NEB: variants seen among roughly 807,000 people sequenced by gnomAD.
NEB encodes the protein nebulin.
A neutral mutation model predicts 952.2 loss-of-function variants in NEB; 512 were observed. The ratio of observed to expected loss-of-function variants is 0.54; its 90% CI spans 0.50 to 0.58. The LOEUF (loss-of-function observed/expected upper bound fraction) is 0.58, where lower values mean the gene tolerates loss of function less well. NEB is among the 20% of genes least tolerant of loss of function. The pLI is 0.00. For synonymous variants in NEB, 2,900 were observed against 3,149.8 expected (o/e 0.92, Z 2.66); for missense variants, 8,428 against 9,231.1 (o/e 0.91, Z 3.56).
chr2:151,516,871 C>A (rs142767014), intron 156 of NEB, among the ~76,000 whole-genome samples: 2 of 152,158 alleles, frequency 1.3e-5, no homozygotes, highest in Non-Finnish European at 2.9e-5. Context: ...GAAAATTACC[C>A]AGGTAGATGA....
rs1559204521 is a variant in NEB at position 151,496,906 on chromosome 2, C to T, written c.24393+35G>A. Reference sequence around the variant, plus strand: ...TAAATCATGAAATAGTTTTTAAAATCAGTAAGTAGTTTTTTTCTTTTCTTG... The same window carrying T: ...TAAATCATGAAATAGTTTTTAAAATTAGTAAGTAGTTTTTTTCTTTTCTTG... On this transcript the variant is annotated intron_variant, in intron 172 of 181. Transcript: ENST00000397345. 2.7e-6 allele frequency: 4 copies of T among 1,502,432 alleles called. No homozygotes were observed. The South Asian group carries it at 4.9e-5, about 18-fold the overall frequency. The allele number at this position is 1,502,432 out of a possible 1,614,324, so 93.1% of individuals were successfully genotyped here.
At chr2:151,497,978 C>G in intron 170 of NEB, 1 of 1,435,248 alleles carries the variant, frequency 7.0e-7, no homozygotes, top group Non-Finnish European at 9.1e-7. Context: ...TACGGTGCCT[C>G]CTAAACAATC....
chr2:151,502,908 C>A (rs2065835277), intron 166 of NEB, 23 bp from the exon 167 acceptor site: 5 of 1,420,708 alleles, frequency 3.5e-6, no homozygotes, highest in South Asian at 1.2e-5. Context: ...AGAAAGTACC[C>A]AGAGGACATT....
chr2:151,516,525 T>C lies in NEB; in HGVS notation c.22839A>G (p.Lys7613=), dbSNP rs2153354986. ...TTGGTGTTTCAAAGTCCAGCATGGG[T>C]TTTCCTCGTTCCTTTTCATACTTTT... is the stretch of plus-strand genomic sequence containing the variant. ...YKEKYEKERG[K]PMLDFETPTY... Residue 7613 remains lysine (K), a synonymous_variant, in exon 157 of 182, where the codon AAA becomes AAG. Coordinates refer to ENST00000397345, the MANE Select transcript of NEB (RefSeq NM_001164508.2). 1 of 1,613,134 alleles carries C rather than the reference T, an allele frequency of 6.2e-7. No individual in the cohort carries two copies.
In NEB at chr2:151,485,827, A is replaced by G; in HGVS notation, c.25511T>C (p.Met8504Thr). The G allele has an allele frequency of 3.1e-6, 5 of 1,614,102 alleles. No individual in the cohort carries two copies. The highest frequency in any genetic ancestry group is 4.2e-6 in the Non-Finnish European group (5 of 1,179,956). Reference sequence around the variant, plus strand: ...GCCAGTCCTCTGCACAGTGCCATACATCCAGCCTTCATCAATTGCTTGAAC... The same window carrying G: ...GCCAGTCCTCTGCACAGTGCCATACGTCCAGCCTTCATCAATTGCTTGAAC... ...INVQAIDEGW[M>T]YGTVQRTGRT... Residue 8504 changes from methionine (M) to threonine (T), a missense_variant, in exon 182 of 182, where the codon ATG (methionine) becomes ACG (threonine). Around this residue, in one of 11 missense-constraint regions of NEB, gnomAD observed 3,374 missense variants for 3,651.5 expected, o/e 0.92. Transcript: ENST00000397345.
intron 16 of NEB, 22 bp downstream of exon 16, chr2:151,697,126 A>G (rs2099602502): frequency 6.4e-7 from 1 of 1,562,056 alleles, no homozygotes; most frequent in Admixed American, 1.7e-5. Context: ...AGTCACATTC[A>G]AAGTTCAGAC....
At chr2:151,516,698 A>T in intron 156 of NEB, 135 bp from the exon 157 acceptor site, 1 of 674,368 alleles carries the variant, frequency 1.5e-6, no homozygotes, top group Non-Finnish European at 2.6e-6. Context: ...GTTTCCTGTT[A>T]TGTTTCAGAT....
intron 3 of NEB, among the ~76,000 whole-genome samples, chr2:151,732,842 T>C (rs2099812192): frequency 6.6e-6 from 1 of 152,158 alleles, no homozygotes; most frequent in Admixed American, 6.6e-5. Context: ...AAGAAAGCAG[T>C]TTTAGAAGAC....
chr2:151,539,672 C>A (rs1444991030), intron 138 of NEB, among the ~76,000 whole-genome samples: 1 of 152,184 alleles, frequency 6.6e-6, no homozygotes, highest in Non-Finnish European at 1.5e-5. Context: ...GGATTCACTA[C>A]TTCACATCTT....
chr2:151,538,191 T>C lies in NEB; in HGVS notation c.20946A>G (p.Lys6982=), dbSNP rs371201870. ...QKTKGKYHTV[K]DALDIVYHRK... ...GATGATAGACAATGTCTAGGGCATC[T>C]TTCACCGTGTGGTATTTCCCTTTGG... is the stretch of plus-strand genomic sequence containing the variant. The change falls in exon 139 of 182, where the codon AAA becomes AAG. Residue 6982 remains lysine (K), a synonymous_variant. Coordinates refer to ENST00000397345, the MANE Select transcript of NEB (RefSeq NM_001164508.2). 5.1e-5 allele frequency: 82 copies of C among 1,613,374 alleles called. No homozygotes were observed. In the African/African-American group the frequency reaches 9.6e-4, roughly 19 times the overall value.
rs1560002452 is a variant in NEB, at chr2:151,565,797, C to T, written c.18180G>A (p.Glu6060=). The T allele has an allele frequency of 6.2e-7, 1 of 1,611,174 alleles. No homozygotes were observed. Among genetic ancestry groups the T allele is most frequent in the Non-Finnish European group, 8.5e-7 (1 of 1,178,552 alleles). ...QSDNVYRADL[E]WLRGIGWIPL... ...GGATCCAGCCAATGCCTCGGAGCCA[C>T]TCCAGGTCAGCTCTGTAGACATTCT... is the stretch of plus-strand genomic sequence containing the variant. The change falls in exon 115 of 182, where the codon GAG becomes GAA. Residue 6060 remains glutamate, a synonymous_variant. Transcript: ENST00000397345.
In NEB at chr2:151,551,769, C is replaced by T. The variant is rs375307136; in HGVS notation, c.19913G>A (p.Arg6638Gln). The T allele has an allele frequency of 2.0e-5, 33 of 1,613,524 alleles. No homozygotes were observed. Among genetic ancestry groups the T allele is most frequent in the Middle Eastern group, 1.7e-4 (1 of 6,056 alleles). The change falls in exon 129 of 182, where the codon CGG (arginine) becomes CAG (glutamine). Residue 6638 changes from arginine (R) to glutamine (Q), a missense_variant. Coordinates refer to ENST00000397345, the MANE Select transcript of NEB (RefSeq NM_001164508.2). ...APTTKTVDLD[R>Q]ALHAYKLQSS... is the part of the protein sequence containing the mutation. The stretch of plus-strand genomic sequence containing the variant: ...CTGGAGCTTGTATGCATGAAGGGCC[C>T]GGTCCAGATCCACGGTTTTGGTAGT...
intron 48 of NEB, 48 bp downstream of exon 48, chr2:151,657,935 C>A (rs952423927): frequency 1.5e-6 from 2 of 1,318,374 alleles, no homozygotes; most frequent in East Asian, 2.4e-5. Context: ...CTTATTATTT[C>A]GGTTCCTTAG....
Position 151,575,732 on chromosome 2 carries a change from A to T in NEB, c.16976T>A (p.Ile5659Asn). The T allele has an allele frequency of 1.9e-6, 3 of 1,609,810 alleles. No individual in the cohort carries two copies. Among genetic ancestry groups the T allele is most frequent in the Non-Finnish European group, 2.6e-6 (3 of 1,176,054 alleles). ...AAGAGCATTTGCTCTAGCGAGATTA[A>T]TTTCTGGAGTATCTGGCATTATGTG... ...SIHIMPDTPE[I>N]NLARANALNV... Residue 5659 changes from isoleucine (I) to asparagine (N), a missense_variant, in exon 107 of 182, where the codon ATT becomes AAT. Transcript: ENST00000397345.
At chr2:151,501,015 C>T (rs906943880) in intron 168 of NEB, among the ~76,000 whole-genome samples, 23 of 152,152 alleles carry the variant, frequency 1.5e-4, no homozygotes, top group Admixed American at 3.9e-4. Context: ...GCCACCATTT[C>T]TATATGTGGC....
intron 54 of NEB, among the ~76,000 whole-genome samples, chr2:151,648,331 G>A (rs2098987651): frequency 6.6e-6 from 1 of 152,206 alleles, no homozygotes; most frequent in Non-Finnish European, 1.5e-5. Context: ...ATAACCCAGA[G>A]AAGCCAATTA....
intron 54 of NEB, among the ~76,000 whole-genome samples, chr2:151,648,306 T>C (rs996582421): frequency 2.2e-4 from 33 of 152,194 alleles, no homozygotes; most frequent in African/African-American, 7.7e-4. Flanking sequence ...CCTGCACATG[T>C]TTGTTATGGT....
chr2:151,678,566 G>A (rs1414005701), intron 32 of NEB, among the ~76,000 whole-genome samples: 3 of 152,202 alleles, frequency 2.0e-5, no homozygotes, highest in Non-Finnish European at 2.9e-5. Flanking sequence ...AGTACAAGTA[G>A]CTGGATATTT....
intron 32 of NEB, among the ~76,000 whole-genome samples, chr2:151,678,545 TGTGCTACTAGA>T (rs2099390613): frequency 6.6e-6 from 1 of 152,232 alleles, no homozygotes; most frequent in South Asian, 2.1e-4. Flanking sequence ...CCAATTACAT[TGTGCTACTAGA>T]GTACAAGTAG....
Sources: gnomAD v4.1 joint callset for allele counts (sites outside exome capture counted in the v4.1 genomes callset) on GRCh38, gnomAD v4.1.1 for gene constraint, gnomAD v4.1.1 regional missense constraint, MANE v1.5 for transcripts, NCBI Gene and HGNC (gene_info 2026-07-23, HGNC 2026-07-21) for gene names.